EDIL3: variants seen among roughly 807,000 people sequenced by gnomAD.
The protein encoded by EDIL3 is EGF like and discoidin domains 3, also known as EGF-like repeat and discoidin I-like domain-containing protein 3.
In EDIL3, 37 loss-of-function variants were observed where a neutral mutation model predicts 67.4. That is an observed-to-expected ratio of 0.55 (90% CI 0.42 to 0.72). The LOEUF (loss-of-function observed/expected upper bound fraction) is 0.72, where lower values mean the gene tolerates loss of function less well. Among genes scored for constraint, EDIL3 ranks in the 30% least tolerant of loss-of-function variants. EDIL3 has a pLI of 0.00. For missense variants in EDIL3, 527 were observed against 586.3 expected, an observed-to-expected ratio of 0.90 and a Z score of 1.04; for synonymous variants, 195 against 196.3, an observed-to-expected ratio of 0.99 and a Z score of 0.05.
intron 9 of EDIL3, among the ~76,000 whole-genome samples, chr5:84,036,874 AT>A (rs535388474): frequency 1.6e-3 from 247 of 152,248 alleles, no homozygotes; most frequent in Middle Eastern, 3.4e-3. Flanking sequence ...GGCCAAGAAG[AT>A]TTTGTTTTCC....
At chr5:84,213,493 T>G (rs570295006) in intron 3 of EDIL3, among the ~76,000 whole-genome samples, 6 of 152,344 alleles carry the variant, frequency 3.9e-5, no homozygotes, top group African/African-American at 1.4e-4. Flanking sequence ...ACAGTGGTTT[T>G]AATTCTTCGT....
At chr5:84,107,922 G>A (rs1747492028) in intron 5 of EDIL3, among the ~76,000 whole-genome samples, 1 of 150,608 alleles carries the variant, frequency 6.6e-6, no homozygotes, top group East Asian at 2.0e-4. Flanking sequence ...TGAATATTTT[G>A]CCAATTTAGA....
intron 3 of EDIL3, among the ~76,000 whole-genome samples, chr5:84,228,973 C>A (rs1282828167): frequency 6.6e-6 from 1 of 152,112 alleles, no homozygotes; most frequent in Admixed American, 6.6e-5. Context: ...AAATCCTTTT[C>A]TCAGTTACTA....
chr5:84,352,993 T>C (rs1747394340), intron 1 of EDIL3, among the ~76,000 whole-genome samples: 1 of 152,106 alleles, frequency 6.6e-6, no homozygotes, highest in African/African-American at 2.4e-5. Context: ...CAGGCAGACA[T>C]TGAGTAGGGT....
chr5:84,356,814 A>T (rs1434593163), intron 1 of EDIL3, among the ~76,000 whole-genome samples: 2 of 148,224 alleles, frequency 1.3e-5, no homozygotes, highest in Non-Finnish European at 3.0e-5. Flanking sequence ...TAATCATTAA[A>T]TTGATGATTC....
intron 1 of EDIL3, among the ~76,000 whole-genome samples, chr5:84,326,273 C>T (rs1392244340): frequency 6.6e-6 from 1 of 151,952 alleles, no homozygotes; most frequent in Non-Finnish European, 1.5e-5. Context: ...AAATTACCTA[C>T]ACTGTGGTAT....
intron 4 of EDIL3, among the ~76,000 whole-genome samples, chr5:84,157,998 G>T (rs1267313776): frequency 2.0e-5 from 3 of 152,060 alleles, no homozygotes; most frequent in Non-Finnish European, 2.9e-5. Context: ...AAGAAGTGTT[G>T]CTATAACAAA....
At position 84,154,814 on chromosome 5, in the gene EDIL3, C is replaced by T. The variant is rs1748462339; in HGVS notation, c.356-17460G>A. On this transcript the variant is annotated intron_variant, in intron 4 of 10. Coordinates refer to ENST00000296591, the MANE Select transcript of EDIL3 (RefSeq NM_005711.5). ...TCCCAGGTTCAAGCGATTCTCCTGC[C>T]TCAGCCTCCCAAGTAGCTGGGATTA... is the stretch of plus-strand genomic sequence containing the variant. 2.0e-5 allele frequency among the ~76,000 whole-genome samples: 3 copies of T among 151,576 alleles called. No homozygotes were observed. The South Asian group carries it at 6.2e-4, about 31-fold the overall frequency.
chr5:84,024,996 G>C (rs1334003418), intron 9 of EDIL3, among the ~76,000 whole-genome samples: 1 of 151,134 alleles, frequency 6.6e-6, no homozygotes, highest in African/African-American at 2.4e-5. Flanking sequence ...TTTTCCTTTG[G>C]AACTCCAACT....
At chr5:84,215,113 A>T (rs1744201429) in intron 3 of EDIL3, among the ~76,000 whole-genome samples, 1 of 152,234 alleles carries the variant, frequency 6.6e-6, no homozygotes, top group Non-Finnish European at 1.5e-5. Context: ...ACAAATATTT[A>T]TGAAGCATCT....
intron 1 of EDIL3, among the ~76,000 whole-genome samples, chr5:84,285,184 A>G (rs867704408): frequency 6.6e-6 from 1 of 152,244 alleles, no homozygotes; most frequent in Admixed American, 6.5e-5. Flanking sequence ...GAACACTTAC[A>G]TAACCTGAAT....
At chr5:84,000,547 C>A (rs1227740538) in intron 9 of EDIL3, among the ~76,000 whole-genome samples, 3 of 151,296 alleles carry the variant, frequency 2.0e-5, no homozygotes, top group African/African-American at 7.3e-5. Flanking sequence ...GCTTGGTAAT[C>A]TCAAATCAAA....
chr5:84,264,821 A>T (rs1266210236), intron 1 of EDIL3, among the ~76,000 whole-genome samples: 3 of 152,196 alleles, frequency 2.0e-5, no homozygotes, highest in Non-Finnish European at 4.4e-5. Context: ...TCAAGAACAC[A>T]AACTCATACT....
At chr5:84,128,725 A>C (rs1747910875) in intron 5 of EDIL3, among the ~76,000 whole-genome samples, 1 of 152,182 alleles carries the variant, frequency 6.6e-6, no homozygotes. Flanking sequence ...TATGAGAACT[A>C]AATCAAGTTA....
intron 3 of EDIL3, among the ~76,000 whole-genome samples, chr5:84,211,272 T>C (rs1235378509): frequency 6.6e-6 from 1 of 152,038 alleles, no homozygotes; most frequent in African/African-American, 2.4e-5. Context: ...TAACTGGTTG[T>C]TGAAAAGAGA....
chr5:84,141,456 T>C (rs1204410008), intron 4 of EDIL3, among the ~76,000 whole-genome samples: 1 of 147,014 alleles, frequency 6.8e-6, no homozygotes, highest in Non-Finnish European at 1.5e-5. Flanking sequence ...TATAATTTCA[T>C]ATATATGAAA....
intron 6 of EDIL3, among the ~76,000 whole-genome samples, chr5:84,068,339 A>G (rs1373336505): frequency 6.6e-6 from 1 of 152,240 alleles, no homozygotes. Flanking sequence ...TTGGAAGCCA[A>G]GTTTCACATC....
intron 9 of EDIL3, among the ~76,000 whole-genome samples, chr5:83,966,863 A>G (rs751543982): frequency 1.2e-4 from 19 of 152,268 alleles, no homozygotes; most frequent in Non-Finnish European, 2.4e-4. Flanking sequence ...GGAAATGGAT[A>G]CAGAGAAATG....
At chr5:83,970,929 GT>G (rs1033029848) in intron 9 of EDIL3, among the ~76,000 whole-genome samples, 1 of 151,288 alleles carries the variant, frequency 6.6e-6, no homozygotes, top group Non-Finnish European at 1.5e-5. Flanking sequence ...GTTTTCTTGA[GT>G]TATATTTTAA....
Sources: gnomAD v4.1 joint callset for allele counts (sites outside exome capture counted in the v4.1 genomes callset) on GRCh38, gnomAD v4.1.1 for gene constraint, MANE v1.5 for transcripts, NCBI Gene and HGNC (gene_info 2026-07-23, HGNC 2026-07-21) for gene names.